BTNL2: variants seen among roughly 807,000 people sequenced by gnomAD.
BTNL2 encodes the protein butyrophilin like 2.
A neutral mutation model predicts 46.8 loss-of-function variants in BTNL2; 46 were observed. The observed-to-expected ratio is 0.98, with a 90% CI of 0.78 to 1.26. The LOEUF (loss-of-function observed/expected upper bound fraction) is 1.26, where lower values mean the gene tolerates loss of function less well. Ranked by LOEUF, BTNL2 falls within the 50% of genes most tolerant of loss-of-function variation. The pLI is 0.00. For missense variants in BTNL2, 461 were observed against 592.6 expected (o/e 0.78, Z 2.31); for synonymous variants, 226 against 229.1 (o/e 0.99, Z 0.12).
intron 2 of BTNL2, among the ~76,000 whole-genome samples, chr6:32,404,109 A>G (rs1412517668): frequency 2.0e-5 from 3 of 151,192 alleles, no homozygotes; most frequent in Non-Finnish European, 4.4e-5. Flanking sequence ...ATGGATGTTA[A>G]GAAAAAAAAA....
chr6:32,398,595 T>C (rs186269414), intron 4 of BTNL2, among the ~76,000 whole-genome samples: 71 of 152,362 alleles, frequency 4.7e-4, no homozygotes, highest in Admixed American at 3.7e-3. Context: ...TAAAACAGAC[T>C]GTTTCCTCAT....
In BTNL2 at chr6:32,394,837, GC is replaced by G; in HGVS notation, c.1266del (p.Leu422PhefsTer2). 1.9e-6 allele frequency: 3 copies of G among 1,614,220 alleles called. No individual in the cohort carries two copies. The South Asian group carries it at 3.3e-5, about 18-fold the overall frequency. ...GSHGLFHVQT[L>X]LRVTNISAVD... Reference sequence around the variant, plus strand: ...ACAGCGGAGATGTTTGTGACCCTTAGCAATGTCTGCACGTGGAACAGCCCGT... The same window carrying G: ...ACAGCGGAGATGTTTGTGACCCTTAGAATGTCTGCACGTGGAACAGCCCGT... On this transcript the variant is annotated frameshift_variant, in exon 6 of 8. Transcript: ENST00000454136. LOFTEE classifies it high-confidence loss of function. This position sits in a 1 kb window ranked among gnomAD's most constrained non-coding sequence, Gnocchi z 4.6.
Position 32,394,407 on chromosome 6 carries a change from C to T in BTNL2, c.1360+337G>A, listed in dbSNP as rs1776314859. ...GTTTCTAATCCAGAAGAAAATCCTCCATGAGGGGGAAAACACAAAGTTCTG... is the reference window on the plus strand; with the variant it reads ...GTTTCTAATCCAGAAGAAAATCCTCTATGAGGGGGAAAACACAAAGTTCTG... On this transcript the variant is annotated intron_variant, in intron 6 of 7. Transcript: ENST00000454136. This position sits in a 1 kb window ranked among gnomAD's most constrained non-coding sequence, Gnocchi z 4.6. Among the ~76,000 whole-genome samples, 1 of 152,124 alleles carries T rather than the reference C, an allele frequency of 6.6e-6. No individual in the cohort carries two copies.
chr6:32,394,641 A>G lies in BTNL2; in HGVS notation c.1360+103T>C. On this transcript the variant is annotated intron_variant, in intron 6 of 7. Transcript: ENST00000454136. The surrounding 1 kb of genome is among the most constrained non-coding windows in gnomAD (Gnocchi z 4.6). ...ATAGCAGGAGACCTCGTCAGAGATCAGCAAATAAAAATCACAAAGGAAGAA... is the reference window on the plus strand; with the variant it reads ...ATAGCAGGAGACCTCGTCAGAGATCGGCAAATAAAAATCACAAAGGAAGAA... The G allele has an allele frequency of 7.3e-7, 1 of 1,364,756 alleles. No individual in the cohort carries two copies. Among genetic ancestry groups the G allele is most frequent in the Non-Finnish European group, 1.0e-6 (1 of 994,676 alleles). 84.5% of individuals were successfully genotyped at this position (1,364,756 alleles called of 1,614,324 possible).
At chr6:32,405,423 G>C (rs12660723) in intron 1 of BTNL2, 137 bp from the exon 2 acceptor site, 1 of 877,788 alleles carries the variant, frequency 1.1e-6, no homozygotes. Flanking sequence ...GAGAAATCCA[G>C]CATGATGATT....
chr6:32,395,008 G>A lies in BTNL2; in HGVS notation c.1096C>T (p.Leu366=), dbSNP rs76868526. The change falls in exon 6 of 8, where the codon CTG becomes TTG. Residue 366 remains leucine (L), a synonymous_variant. Coordinates refer to ENST00000454136, the MANE Select transcript of BTNL2 (RefSeq NM_001304561.2). ...TCTTCTTGCCCCTCCACAGTGATCA[G>A]TGGGGAAGAACCCAGACCTGGGGCA... ...LKVVSLGSSP[L]ITVEGQEDGE... 0.014 allele frequency: 21,853 copies of A among 1,589,204 alleles called. 1,056 individuals are homozygous for A. The East Asian group carries it at 0.15, about 11-fold the overall frequency.
intron 5 of BTNL2, among the ~76,000 whole-genome samples, chr6:32,395,321 GTC>G (rs577677227): frequency 2.6e-5 from 4 of 152,178 alleles, no homozygotes; most frequent in Non-Finnish European, 5.9e-5. Context: ...CAGGGCATGG[GTC>G]ACATGGACAG....
chr6:32,402,848 T>C (rs1776864624), intron 3 of BTNL2, 87 bp downstream of exon 3: 3 of 1,347,618 alleles, frequency 2.2e-6, no homozygotes, highest in Non-Finnish European at 3.1e-6. Context: ...ATAATGTCTC[T>C]TGATAAAAAT....
At chr6:32,395,530 G>C (rs1163492835) in intron 5 of BTNL2, among the ~76,000 whole-genome samples, 2 of 152,160 alleles carry the variant, frequency 1.3e-5, no homozygotes, top group Admixed American at 6.5e-5. Flanking sequence ...GTACTCAATG[G>C]CATCTGCTAA....
At position 32,396,043 on chromosome 6, in the gene BTNL2, C is replaced by A; in HGVS notation, c.1074G>T (p.Val358=). Reference sequence around the variant, plus strand: ...ATATCTATCTAGAATTCTTACTTACCACCTTCAGATCCAAACTGGCCTCCT... The same window carrying A: ...ATATCTATCTAGAATTCTTACTTACAACCTTCAGATCCAAACTGGCCTCCT... ...VYQEASLDLK[V]VSLGSSPLIT... The change falls in exon 5 of 8, where the codon GTG becomes GTT. Residue 358 remains valine (V), a synonymous_variant. Transcript: ENST00000454136. The surrounding 1 kb of genome is among the most constrained non-coding windows in gnomAD (Gnocchi z 4.4). 6.2e-7 allele frequency: 1 copy of A among 1,609,792 alleles called. No individual in the cohort carries two copies. The highest frequency in any genetic ancestry group is 1.1e-5 in the South Asian group (1 of 90,812).
chr6:32,394,628 C>G lies in BTNL2; in HGVS notation c.1360+116G>C. ...AGCTTTGCAGAGGATAGCAGGAGAC[C>G]TCGTCAGAGATCAGCAAATAAAAAT... On this transcript the variant is annotated intron_variant, in intron 6 of 7. Coordinates refer to ENST00000454136, the MANE Select transcript of BTNL2 (RefSeq NM_001304561.2). This position sits in a 1 kb window ranked among gnomAD's most constrained non-coding sequence, Gnocchi z 4.6. The G allele has an allele frequency of 7.9e-7, 1 of 1,264,816 alleles. No homozygotes were observed. The highest frequency in any genetic ancestry group is 1.1e-6 in the Non-Finnish European group (1 of 916,350). 78.3% of individuals were successfully genotyped at this position (1,264,816 alleles called of 1,614,324 possible). A position where few individuals can be genotyped will look rare whatever the true frequency, so the allele number is the denominator to read the frequency against.
Position 32,405,183 on chromosome 6 carries a change from C to T in BTNL2, c.183G>A (p.Val61=), listed in dbSNP as rs1289194960. Residue 61 remains valine (V), a synonymous_variant, in exon 2 of 8, where the codon GTG becomes GTA. Transcript: ENST00000454136. The stretch of plus-strand genomic sequence containing the variant: ...GCTCTGAGCGGTACCACCTCACCTC[C>T]ACGTGCATTGTGGTCCTCTTGGGGA... ...QLLPKRTTMH[V]EVRWYRSEPS... is the part of the protein sequence containing the mutation. 1 of 1,613,102 alleles carries T rather than the reference C, an allele frequency of 6.2e-7. No individual in the cohort carries two copies. Among genetic ancestry groups the T allele is most frequent in the Admixed American group, 1.7e-5 (1 of 60,028 alleles).
chr6:32,405,284 C>A lies in BTNL2; in HGVS notation c.82G>T (p.Asp28Tyr), dbSNP rs1777063442. ...FILLTMKQSE[D>Y]FRVIGPAHPI... is the part of the protein sequence containing the mutation. ...TGAGCAGGGCCAATGACTCTAAAGT[C>A]TTCTATAAAATAAGTGAAAAAGAGG... Residue 28 changes from aspartate to tyrosine, a missense_variant and splice_region_variant, in exon 2 of 8, where the codon GAC becomes TAC. Asp to Tyr is a radical substitution (Grantham distance 160, BLOSUM62 -3). Transcript: ENST00000454136. The A allele has an allele frequency of 1.9e-6, 3 of 1,612,806 alleles. No homozygotes were observed. The highest frequency in any genetic ancestry group is 2.5e-6 in the Non-Finnish European group (3 of 1,179,938).
chr6:32,394,167 C>T lies in BTNL2; in HGVS notation c.1361-110G>A. 1 of 1,454,116 alleles carries T rather than the reference C, an allele frequency of 6.9e-7. No individual in the cohort carries two copies. The highest frequency in any genetic ancestry group is 1.4e-5 in the South Asian group (1 of 72,014). The allele number at this position is 1,454,116 out of a possible 1,614,324, so 90.1% of individuals were successfully genotyped here. On this transcript the variant is annotated intron_variant, in intron 6 of 7. Transcript: ENST00000454136. This position sits in a 1 kb window ranked among gnomAD's most constrained non-coding sequence, Gnocchi z 4.6. ...CTGGAGAGAAGGGAGAGAATTTGGC[C>T]TCCCAGGAAGCAGTTGGCCTGCTCC...
In BTNL2 at chr6:32,396,781, G is replaced by C. The variant is rs1189300294; in HGVS notation, c.731-395C>G. Among the ~76,000 whole-genome samples, 1 of 152,084 alleles carries C rather than the reference G, an allele frequency of 6.6e-6. No individual in the cohort carries two copies. Among genetic ancestry groups the C allele is most frequent in the Non-Finnish European group, 1.5e-5 (1 of 68,020 alleles). ...GGATCACCAGAGGTCAGGAGTTCAA[G>C]ACCAGCCTGGCCAACATGGTGAAAC... On this transcript the variant is annotated intron_variant, in intron 4 of 7. Transcript: ENST00000454136. The surrounding 1 kb of genome is among the most constrained non-coding windows in gnomAD (Gnocchi z 4.4).
rs1200712776 is a variant in BTNL2 at position 32,395,006 on chromosome 6, C to T, written c.1098G>A (p.Leu366=). The T allele has an allele frequency of 1.3e-6, 2 of 1,597,276 alleles. No homozygotes were observed. The highest frequency in any genetic ancestry group is 1.7e-6 in the Non-Finnish European group (2 of 1,169,518). The change falls in exon 6 of 8, where the codon CTG becomes CTA. Residue 366 remains leucine (L), a synonymous_variant. Coordinates refer to ENST00000454136, the MANE Select transcript of BTNL2 (RefSeq NM_001304561.2). ...LKVVSLGSSP[L]ITVEGQEDGE... is the part of the protein sequence containing the mutation. The stretch of plus-strand genomic sequence containing the variant: ...CATCTTCTTGCCCCTCCACAGTGAT[C>T]AGTGGGGAAGAACCCAGACCTGGGG...
chr6:32,399,174 C>T lies in BTNL2; in HGVS notation c.730+2611G>A, dbSNP rs1776614049. 6.6e-6 allele frequency among the ~76,000 whole-genome samples: 1 copy of T among 152,202 alleles called. No homozygotes were observed. Among genetic ancestry groups the T allele is most frequent in the South Asian group, 2.1e-4 (1 of 4,826 alleles). On this transcript the variant is annotated intron_variant, in intron 4 of 7. Coordinates refer to ENST00000454136, the MANE Select transcript of BTNL2 (RefSeq NM_001304561.2). This position sits in a 1 kb window ranked among gnomAD's most constrained non-coding sequence, Gnocchi z 5.2. The stretch of plus-strand genomic sequence containing the variant: ...GCTCCCCCTTATAAGTGTGAACATG[C>T]AGTAGTTAACCTCCTTTTTCTATAC...
rs1776710723 is a variant in BTNL2 at position 32,400,757 on chromosome 6, A to AAAAAAAAC, written c.730+1027_730+1028insGTTTTTTT. Among the ~76,000 whole-genome samples the AAAAAAAAC allele has an allele frequency of 5.0e-5, 7 of 140,990 alleles. No homozygotes were observed. The East Asian group carries it at 1.3e-3, about 26-fold the overall frequency. 92.5% of individuals were successfully genotyped at this position (140,990 alleles called of 152,430 possible). A position where few individuals can be genotyped will look rare whatever the true frequency, so the allele number is the denominator to read the frequency against. On this transcript the variant is annotated intron_variant, in intron 4 of 7. Coordinates refer to ENST00000454136, the MANE Select transcript of BTNL2 (RefSeq NM_001304561.2). ...ACCCCGTCTCTACTAAAAAAAAAAA[A>AAAAAAAAC]AAAAAATTAGCTGGGTGTGGTGGCG... is the stretch of plus-strand genomic sequence containing the variant.
intron 2 of BTNL2, 103 bp downstream of exon 2, chr6:32,404,831 AGGAAT>A: frequency 9.4e-7 from 1 of 1,067,034 alleles, no homozygotes; most frequent in Non-Finnish European, 1.4e-6. Flanking sequence ...ACTAAGCATT[AGGAAT>A]TACCTTGATG....
Sources: allele counts gnomAD v4.1 joint callset (sites outside exome capture counted in the v4.1 genomes callset), GRCh38; gene constraint gnomAD v4.1.1; non-coding constraint Gnocchi (gnomAD v3.1); transcripts MANE v1.5; gene names NCBI Gene and HGNC (gene_info 2026-07-23, HGNC 2026-07-21).